ADAM7: variants seen among roughly 807,000 people sequenced by gnomAD.
ADAM7 encodes disintegrin and metalloproteinase domain-containing protein 7.
In ADAM7, 97 loss-of-function variants were observed where a neutral mutation model predicts 102.9. The ratio of observed to expected loss-of-function variants is 0.94; its 90% confidence interval spans 0.80 to 1.12. The LOEUF (loss-of-function observed/expected upper bound fraction) is 1.12. Among genes scored for constraint, ADAM7 ranks in the 50% most tolerant of loss-of-function variants. ADAM7 has a pLI of 0.00. For missense variants in ADAM7, 991 were observed against 908.7 expected (o/e 1.09, Z -1.16); for synonymous variants, 334 against 304.4 (o/e 1.10, Z -1.01).
At chr8:24,469,112 G>GA (rs1200603451) in intron 7 of ADAM7, among the ~76,000 whole-genome samples, 1 of 152,062 alleles carries the variant, frequency 6.6e-6, no homozygotes, top group Non-Finnish European at 1.5e-5. Context: ...AGAAAAAGTG[G>GA]AAAATCTCCA....
intron 3 of ADAM7, among the ~76,000 whole-genome samples, chr8:24,459,027 A>G (rs1819142592): frequency 6.6e-6 from 1 of 151,796 alleles, no homozygotes; most frequent in Admixed American, 6.6e-5. Context: ...AATTTTGATG[A>G]TAGATTATGT....
At chr8:24,447,074 A>C in intron 2 of ADAM7, 112 bp from the exon 3 acceptor site, 2 of 495,952 alleles carry the variant, frequency 4.0e-6, no homozygotes. Context: ...ATTTTGGCTG[A>C]AAGGACTGCT....
chr8:24,504,691 C>T (rs1268916524), intron 20 of ADAM7, among the ~76,000 whole-genome samples: 1 of 152,038 alleles, frequency 6.6e-6, no homozygotes, highest in Admixed American at 6.6e-5. Flanking sequence ...GTTTCGAATG[C>T]TTTGCCACGG....
chr8:24,449,705 T>C (rs1478921843), intron 3 of ADAM7, among the ~76,000 whole-genome samples: 2 of 152,212 alleles, frequency 1.3e-5, no homozygotes, highest in African/African-American at 2.4e-5. Flanking sequence ...TTTGGTGTTT[T>C]AGACATGAAG....
intron 9 of ADAM7, among the ~76,000 whole-genome samples, chr8:24,482,741 C>T (rs1215610518): frequency 6.6e-6 from 1 of 151,862 alleles, no homozygotes; most frequent in African/African-American, 2.4e-5. Flanking sequence ...AGAATGAGAC[C>T]CTGTCTCAAT....
chr8:24,459,761 G>C (rs1819173111), intron 3 of ADAM7, among the ~76,000 whole-genome samples: 1 of 152,048 alleles, frequency 6.6e-6, no homozygotes, highest in Non-Finnish European at 1.5e-5. Context: ...TACCTGACCT[G>C]ATTTTTCTTT....
chr8:24,492,233 C>A, intron 14 of ADAM7, 135 bp downstream of exon 14: 1 of 882,872 alleles, frequency 1.1e-6, no homozygotes, highest in Non-Finnish European at 1.7e-6. Flanking sequence ...TAGCATTTCT[C>A]TGGATATTAC....
At chr8:24,499,797 TACACACACACACAC>T (rs35010933) in intron 17 of ADAM7, among the ~76,000 whole-genome samples, 4 of 148,204 alleles carry the variant, frequency 2.7e-5, no homozygotes, top group South Asian at 2.1e-4. Flanking sequence ...TATATAGTAA[TACACACACACACAC>T]ACACACACAC....
At chr8:24,504,706 A>T (rs1820891484) in intron 20 of ADAM7, among the ~76,000 whole-genome samples, 1 of 152,094 alleles carries the variant, frequency 6.6e-6, no homozygotes, top group Non-Finnish European at 1.5e-5. Flanking sequence ...CCACGGCTTT[A>T]GGCATGCCAT....
intron 3 of ADAM7, among the ~76,000 whole-genome samples, chr8:24,454,106 G>A (rs373275169): frequency 9.2e-5 from 14 of 152,228 alleles, no homozygotes; most frequent in African/African-American, 2.9e-4. Context: ...CAGGGGTCAG[G>A]GACCCACTCG....
intron 12 of ADAM7, 151 bp from the exon 13 acceptor site, chr8:24,490,648 T>G: frequency 1.4e-6 from 1 of 708,366 alleles, no homozygotes; most frequent in East Asian, 2.7e-5. Flanking sequence ...ATACCCGTTC[T>G]AAACAGTAAT....
chr8:24,488,904 A>C (rs990850435), intron 11 of ADAM7, among the ~76,000 whole-genome samples: 2 of 152,174 alleles, frequency 1.3e-5, no homozygotes, highest in African/African-American at 4.8e-5. Context: ...CAGTAAACAC[A>C]GACAACCAGT....
chr8:24,499,054 A>C (rs1055998252), intron 16 of ADAM7, among the ~76,000 whole-genome samples, 182 bp from the exon 17 acceptor site: 11 of 152,062 alleles, frequency 7.2e-5, no homozygotes, highest in Non-Finnish European at 1.6e-4. Flanking sequence ...ATCCACAGAA[A>C]ATACTACATG....
intron 20 of ADAM7, among the ~76,000 whole-genome samples, chr8:24,504,085 T>C (rs1820864850): frequency 6.6e-6 from 1 of 150,494 alleles, no homozygotes; most frequent in African/African-American, 2.5e-5. Context: ...AAAAACTGAG[T>C]GGCCAGGCAC....
Position 24,507,551 on chromosome 8 carries a change from A to G in ADAM7, c.2264+16A>G. On this transcript the variant is annotated intron_variant, in intron 21 of 21. Transcript: ENST00000175238. ...GTGCCAAGTGGTAGGTTACCCTGAC[A>G]GATAGTACCTCCCTTTTTTATTTTT... 1.9e-6 allele frequency: 3 copies of G among 1,594,930 alleles called. No homozygotes were observed. Among genetic ancestry groups the G allele is most frequent in the Non-Finnish European group, 2.6e-6 (3 of 1,162,780 alleles).
chr8:24,443,607 G>A (rs1450050522), intron 2 of ADAM7, among the ~76,000 whole-genome samples: 3 of 152,106 alleles, frequency 2.0e-5, no homozygotes, highest in Non-Finnish European at 4.4e-5. Context: ...GTCTTCTCAC[G>A]ACTACTGTCC....
intron 16 of ADAM7, among the ~76,000 whole-genome samples, chr8:24,494,459 C>G (rs182600091): frequency 4.6e-5 from 7 of 152,250 alleles, no homozygotes; most frequent in Admixed American, 4.6e-4. Context: ...GCCTGAGATA[C>G]AAAGTGCTTC....
rs760130576 is a variant in ADAM7 at position 24,500,174 on chromosome 8, C to T, written c.1924-4C>T. On this transcript the variant is annotated splice_region_variant and splice_polypyrimidine_tract_variant and intron_variant, in intron 17 of 21. Coordinates refer to ENST00000175238, the MANE Select transcript of ADAM7 (RefSeq NM_003817.4). ...TGAGAATATATCATTGACTGCTCTT[C>T]CAGGTGGATGGCCACGGACTCCAGT... is the stretch of plus-strand genomic sequence containing the variant. 2.5e-6 allele frequency: 4 copies of T among 1,608,968 alleles called. No homozygotes were observed. Among genetic ancestry groups the T allele is most frequent in the African/African-American group, 2.7e-5 (2 of 74,844 alleles).
chr8:24,470,889 T>C (rs940607584), intron 7 of ADAM7, among the ~76,000 whole-genome samples: 1 of 152,166 alleles, frequency 6.6e-6, no homozygotes, highest in Non-Finnish European at 1.5e-5. Context: ...AACTGTAAAA[T>C]AGCTTAGGTG....
Sources: allele counts gnomAD v4.1 joint callset (sites outside exome capture counted in the v4.1 genomes callset), GRCh38; gene constraint gnomAD v4.1.1; transcripts MANE v1.5; gene names NCBI Gene and HGNC (gene_info 2026-07-23, HGNC 2026-07-21).